TCF12: variants seen among roughly 807,000 people sequenced by gnomAD.
The protein encoded by TCF12 is DNA-binding protein HTF4.
TCF12 carries 45 observed loss-of-function variants against 86.0 expected under a neutral mutation model. The observed-to-expected ratio is 0.52, with a 90% CI of 0.41 to 0.67. TCF12 has a LOEUF of 0.67. TCF12 is among the 30% of genes least tolerant of loss of function. The probability of loss-of-function intolerance (pLI) is 0.00; values close to 1 mark genes in which losing one functional copy is unlikely to be tolerated. For missense variants in TCF12, 881 were observed against 859.9 expected (o/e 1.02, Z -0.31); for synonymous variants, 330 against 299.6 (o/e 1.10, Z -1.05).
At chr15:57,065,385 T>G (rs1406859792) in intron 4 of TCF12, among the ~76,000 whole-genome samples, 1 of 152,230 alleles carries the variant, frequency 6.6e-6, no homozygotes, top group East Asian at 1.9e-4. Context: ...CAAATTTCCT[T>G]CCACTCTTAA....
At chr15:57,277,003 A>T (rs1346982083) in intron 19 of TCF12, among the ~76,000 whole-genome samples, 1 of 151,888 alleles carries the variant, frequency 6.6e-6, no homozygotes, top group Non-Finnish European at 1.5e-5. Flanking sequence ...ACAGAGTTTC[A>T]CCATGTTGAA....
chr15:57,102,496 G>A (rs754116184), intron 5 of TCF12, among the ~76,000 whole-genome samples: 10 of 152,004 alleles, frequency 6.6e-5, no homozygotes, highest in African/African-American at 1.2e-4. Flanking sequence ...TACTAGGGAG[G>A]CTGAGACAGA....
At chr15:57,250,883 G>T (rs1566986322) in intron 13 of TCF12, among the ~76,000 whole-genome samples, 1 of 149,932 alleles carries the variant, frequency 6.7e-6, no homozygotes, top group Middle Eastern at 3.2e-3. Context: ...GCGACAGTGA[G>T]ACTCCATCTC....
At chr15:57,180,655 T>C (rs1259999049) in intron 6 of TCF12, among the ~76,000 whole-genome samples, 3 of 49,060 alleles carry the variant, frequency 6.1e-5, no homozygotes, top group Non-Finnish European at 1.4e-4. Flanking sequence ...TTCTGTAGAA[T>C]AATAACACAG....
Position 57,054,754 on chromosome 15 carries a change from C to CT in TCF12, c.149-8990dup, listed in dbSNP as rs1255907260. On this transcript the variant is annotated intron_variant, in intron 3 of 20. Transcript: ENST00000333725. ...TCTTAGGACTCCTTTTATTAGCTGG[C>CT]TTTTTTGCAATGCCTCTGCTTTTTT... Among the ~76,000 whole-genome samples the CT allele has an allele frequency of 2.8e-4, 17 of 61,470 alleles. No homozygotes were observed. In the East Asian group the frequency reaches 3.1e-3, roughly 11 times the overall value. The allele number at this position is 61,470 out of a possible 152,430, so 40.3% of individuals were successfully genotyped here.
chr15:57,069,980 G>A (rs1204280074), intron 4 of TCF12, among the ~76,000 whole-genome samples: 2 of 152,164 alleles, frequency 1.3e-5, no homozygotes, highest in Non-Finnish European at 2.9e-5. Context: ...TCATTGCTCT[G>A]TGACTCTGAG....
intron 8 of TCF12, among the ~76,000 whole-genome samples, chr15:57,223,654 T>TTTTTTTTTTTTTTTTTTTG (rs2058723583): frequency 7.7e-6 from 1 of 129,964 alleles, no homozygotes; most frequent in Non-Finnish European, 1.7e-5. Context: ...TTTTTTTTTT[T>TTTTTTTTTTTTTTTTTTTG]TTTTTTTTTT....
At chr15:57,172,773 A>G (rs1273649286) in intron 6 of TCF12, among the ~76,000 whole-genome samples, 2 of 152,106 alleles carry the variant, frequency 1.3e-5, no homozygotes, top group African/African-American at 4.8e-5. Flanking sequence ...CTCTGAATCT[A>G]AAATACAAGT....
At chr15:56,986,837 A>G (rs1033946206) in intron 3 of TCF12, among the ~76,000 whole-genome samples, 3 of 152,214 alleles carry the variant, frequency 2.0e-5, no homozygotes, top group African/African-American at 7.2e-5. Context: ...AATTAAGTAT[A>G]ATTCTGACAA....
At chr15:57,061,762 AT>A (rs1447720521) in intron 3 of TCF12, among the ~76,000 whole-genome samples, 1 of 152,186 alleles carries the variant, frequency 6.6e-6, no homozygotes, top group Non-Finnish European at 1.5e-5. Flanking sequence ...AATAAAAGTG[AT>A]TTTTTAAAAT....
chr15:57,076,008 C>G (rs1242463453), intron 4 of TCF12, among the ~76,000 whole-genome samples: 1 of 151,038 alleles, frequency 6.6e-6, no homozygotes, highest in Non-Finnish European at 1.5e-5. Flanking sequence ...GACTACAGGC[C>G]TGTGCTACCA....
At chr15:56,920,487 C>CGTGTGTGT (rs71113033) in intron 2 of TCF12, among the ~76,000 whole-genome samples, 80,275 of 146,710 alleles carry the variant, frequency 0.55, 23,082 homozygotes, top group Non-Finnish European at 0.65. Context: ...CACACACACA[C>CGTGTGTGT]GTGTGTGTGT....
intron 18 of TCF12, 38 bp downstream of exon 18, chr15:57,263,312 T>C (rs1283457401): frequency 6.3e-7 from 1 of 1,586,730 alleles, no homozygotes. Context: ...TTTATTCATT[T>C]TCCATAGGTA....
chr15:56,984,664 C>A (rs2063095636), intron 3 of TCF12, among the ~76,000 whole-genome samples: 1 of 152,086 alleles, frequency 6.6e-6, no homozygotes, highest in Non-Finnish European at 1.5e-5. Flanking sequence ...CCCAAAGAAG[C>A]CATTTTACCT....
At chr15:57,264,789 G>A (rs1597745835) in intron 18 of TCF12, among the ~76,000 whole-genome samples, 1 of 152,200 alleles carries the variant, frequency 6.6e-6, no homozygotes, top group East Asian at 1.9e-4. Context: ...GGGTGCAGTG[G>A]CACAATCTTG....
chr15:56,994,999 A>C (rs1227266357), intron 3 of TCF12, among the ~76,000 whole-genome samples: 1 of 152,084 alleles, frequency 6.6e-6, no homozygotes, highest in Non-Finnish European at 1.5e-5. Context: ...TGTGATTTTC[A>C]GTGGCTGTGG....
intron 3 of TCF12, among the ~76,000 whole-genome samples, chr15:57,035,483 T>C (rs1054171510): frequency 6.6e-6 from 1 of 152,122 alleles, no homozygotes; most frequent in African/African-American, 2.4e-5. Flanking sequence ...TGTAGGCTGA[T>C]TGCCAACTCC....
chr15:57,252,362 C>G, intron 14 of TCF12, 59 bp from the exon 15 acceptor site: 5 of 1,332,614 alleles, frequency 3.8e-6, no homozygotes, highest in Non-Finnish European at 5.4e-6. Flanking sequence ...ATTTCCTCAT[C>G]TCTTTTGGAG....
chr15:57,232,241 C>T, intron 9 of TCF12, 50 bp from the exon 10 acceptor site: 1 of 1,605,140 alleles, frequency 6.2e-7, no homozygotes, highest in Non-Finnish European at 8.5e-7. Flanking sequence ...CATCAAAATA[C>T]AAGAAAATTT....
Sources: allele counts gnomAD v4.1 joint callset (sites outside exome capture counted in the v4.1 genomes callset), GRCh38; gene constraint gnomAD v4.1.1; transcripts MANE v1.5; gene names NCBI Gene and HGNC (gene_info 2026-07-23, HGNC 2026-07-21).